The following ANGPT2 variants were observed in gnomAD, a reference collection of about 807,000 sequenced individuals.
The protein encoded by ANGPT2 is angiopoietin 2, also known as angiopoietin-2.
In ANGPT2, 28 loss-of-function variants were observed where a neutral mutation model predicts 62.9. The observed-to-expected ratio is 0.44, with a 90% CI of 0.33 to 0.61. The LOEUF is 0.61. Among genes scored for constraint, ANGPT2 ranks in the 20% least tolerant of loss-of-function variants. The probability of loss-of-function intolerance (pLI) is 0.03; values close to 1 mark genes in which losing one functional copy is unlikely to be tolerated. For synonymous variants in ANGPT2, 284 were observed against 207.8 expected, an observed-to-expected ratio of 1.37 and a Z score of -3.15; for missense variants, 727 against 594.9, an observed-to-expected ratio of 1.22 and a Z score of -2.31.
intron 8 of ANGPT2, 55 bp downstream of exon 8, chr8:6,508,877 C>T (rs2129565821): frequency 1.9e-6 from 3 of 1,612,600 alleles, no homozygotes; most frequent in Non-Finnish European, 2.5e-6. Context: ...CAGCCTTTCC[C>T]TCTATGAAAT....
At chr8:6,553,974 G>C (rs535404566) in intron 1 of ANGPT2, among the ~76,000 whole-genome samples, 3 of 151,968 alleles carry the variant, frequency 2.0e-5, no homozygotes, top group Admixed American at 1.3e-4. Flanking sequence ...TGTCCAGTTG[G>C]ATACTGTTAG....
chr8:6,546,389 G>A (rs1407406886), intron 1 of ANGPT2, among the ~76,000 whole-genome samples: 2 of 152,208 alleles, frequency 1.3e-5, no homozygotes, highest in African/African-American at 4.8e-5. Context: ...TTTGTGAAAA[G>A]CAAGTGCTAC....
chr8:6,508,197 C>G (rs994357621), intron 8 of ANGPT2: 4 of 152,240 alleles, frequency 2.6e-5, no homozygotes, highest in Non-Finnish European at 4.4e-5. Flanking sequence ...CACCTGTAAT[C>G]TCAACACTTC....
Position 6,502,818 on chromosome 8 carries a change from T to A in ANGPT2, c.*283A>T, listed in dbSNP as rs925281161. On this transcript the variant is annotated 3_prime_UTR_variant, in exon 9 of 9. Transcript: ENST00000629816. ...AACATTCTTGGTTGTGACAGCAGCG[T>A]CTGTAAACTGTCAGTCTGATTCTCA... 1.4e-5 allele frequency: 6 copies of A among 427,042 alleles called. No individual in the cohort carries two copies. Among genetic ancestry groups the A allele is most frequent in the South Asian group, 3.4e-5 (1 of 29,160 alleles). The allele number at this position is 427,042 out of a possible 1,614,324, so 26.5% of individuals were successfully genotyped here. A position where few individuals can be genotyped will look rare whatever the true frequency, so the allele number is the denominator to read the frequency against.
intron 7 of ANGPT2, 97 bp from the exon 8 acceptor site, chr8:6,509,159 G>T: frequency 6.8e-7 from 1 of 1,474,588 alleles, no homozygotes; most frequent in Non-Finnish European, 9.2e-7. Context: ...CTACAGAAGC[G>T]TGTTCTGTAC....
chr8:6,528,823 T>A (rs1818888649), intron 2 of ANGPT2, among the ~76,000 whole-genome samples: 1 of 152,262 alleles, frequency 6.6e-6, no homozygotes, highest in Non-Finnish European at 1.5e-5. Flanking sequence ...GAGCCTTGGC[T>A]GGTCCACAGC....
intron 8 of ANGPT2, among the ~76,000 whole-genome samples, chr8:6,505,608 ATTC>A (rs1457549521): frequency 7.8e-6 from 1 of 127,696 alleles, no homozygotes; most frequent in South Asian, 2.4e-4. Flanking sequence ...GAATATATAT[ATTC>A]TTTATATATT....
chr8:6,518,140 A>C (rs1308800342), intron 5 of ANGPT2, among the ~76,000 whole-genome samples: 2 of 152,174 alleles, frequency 1.3e-5, no homozygotes, highest in African/African-American at 4.8e-5. Flanking sequence ...TGAGAAACAT[A>C]GATGAAACAA....
chr8:6,504,297 G>A (rs894125839), intron 8 of ANGPT2, among the ~76,000 whole-genome samples: 7 of 119,406 alleles, frequency 5.9e-5, no homozygotes, highest in Non-Finnish European at 9.6e-5. Context: ...CAGCCTGGGC[G>A]ACAGAGTGAG....
chr8:6,535,803 T>G lies in ANGPT2; in HGVS notation c.289-3316A>C, dbSNP rs554454636. Among the ~76,000 whole-genome samples the G allele has an allele frequency of 3.9e-5, 6 of 152,200 alleles. No homozygotes were observed. In the South Asian group the frequency reaches 1.2e-3, roughly 32 times the overall value. On this transcript the variant is annotated intron_variant, in intron 1 of 8. Coordinates refer to ENST00000629816, the MANE Select transcript of ANGPT2 (RefSeq NM_001118887.2). ...TGGCTCATGCCTGTAATCCCAGCAC[T>G]TTGGGAGGCCGAGGCAGGAGGATTG...
At chr8:6,545,414 T>C (rs1822402384) in intron 1 of ANGPT2, among the ~76,000 whole-genome samples, 1 of 152,254 alleles carries the variant, frequency 6.6e-6, no homozygotes, top group Non-Finnish European at 1.5e-5. Flanking sequence ...AGTTTTGTTG[T>C]GACACTATGA....
intron 1 of ANGPT2, among the ~76,000 whole-genome samples, chr8:6,541,942 AGGCT>A (rs1821653921): frequency 1.3e-5 from 2 of 150,248 alleles, no homozygotes; most frequent in Admixed American, 1.3e-4. Context: ...CAGGAGGTTG[AGGCT>A]GCAGTGAGCC....
chr8:6,555,087 G>T (rs3020229), intron 1 of ANGPT2, among the ~76,000 whole-genome samples: 19,500 of 151,928 alleles, frequency 0.13, 3,488 homozygotes, highest in African/African-American at 0.4. Context: ...GTTCATACTG[G>T]TATTCTAAAC....
At chr8:6,529,767 C>T (rs1463245709) in intron 2 of ANGPT2, among the ~76,000 whole-genome samples, 1 of 151,714 alleles carries the variant, frequency 6.6e-6, no homozygotes, top group African/African-American at 2.4e-5. Flanking sequence ...GCTCAGCTGG[C>T]TCAGCCATTT....
chr8:6,540,821 C>G lies in ANGPT2; in HGVS notation c.289-8334G>C, dbSNP rs147231352. Among the ~76,000 whole-genome samples the G allele has an allele frequency of 2.2e-3, 340 of 152,356 alleles. 3 individuals are homozygous for G. Among genetic ancestry groups the G allele is most frequent in the African/African-American group, 7.9e-3 (327 of 41,592 alleles). On this transcript the variant is annotated intron_variant, in intron 1 of 8. Transcript: ENST00000629816. ...AGCCATGCCGAACAGGCGCGGGAGG[C>G]AGGGGCGCCGCAGGGTGGTTCGCAC...
chr8:6,517,440 A>G (rs1427530210), intron 5 of ANGPT2, among the ~76,000 whole-genome samples: 1 of 152,270 alleles, frequency 6.6e-6, no homozygotes, highest in Non-Finnish European at 1.5e-5. Flanking sequence ...GATAAATGCC[A>G]TCTTGCAGTC....
intron 2 of ANGPT2, among the ~76,000 whole-genome samples, chr8:6,532,029 C>T (rs1984858): frequency 1.3e-5 from 2 of 152,200 alleles, no homozygotes; most frequent in Non-Finnish European, 2.9e-5. Flanking sequence ...GTCCAGAAAG[C>T]ACCAGGGAGA....
At chr8:6,534,895 C>G (rs1820217905) in intron 1 of ANGPT2, among the ~76,000 whole-genome samples, 1 of 152,182 alleles carries the variant, frequency 6.6e-6, no homozygotes, top group Non-Finnish European at 1.5e-5. Flanking sequence ...TCGTAATTCT[C>G]CCCTCCGCTC....
intron 1 of ANGPT2, among the ~76,000 whole-genome samples, chr8:6,539,061 G>C (rs1238906137): frequency 6.6e-6 from 1 of 152,018 alleles, no homozygotes; most frequent in Non-Finnish European, 1.5e-5. Flanking sequence ...TTATTCTGGA[G>C]ATTTTGCTGC....
Sources: gnomAD v4.1 joint callset for allele counts (sites outside exome capture counted in the v4.1 genomes callset) on GRCh38, gnomAD v4.1.1 for gene constraint, MANE v1.5 for transcripts, NCBI Gene and HGNC (gene_info 2026-07-23, HGNC 2026-07-21) for gene names.